ITIH4: variants seen among roughly 807,000 people sequenced by gnomAD.
The protein encoded by ITIH4 is inter-alpha-trypsin inhibitor heavy chain 4.
Under a neutral mutation model 111.8 loss-of-function variants are expected in ITIH4, and 79 were observed. That is an observed-to-expected ratio of 0.71 (90% confidence interval 0.59 to 0.85). ITIH4 has a LOEUF of 0.85. ITIH4 is among the 40% of genes least tolerant of loss of function. The pLI, the probability that ITIH4 is intolerant of heterozygous loss-of-function variation, is 0.00. For missense variants in ITIH4, 1,065 were observed against 1,195.8 expected (o/e 0.89, Z 1.61); for synonymous variants, 472 against 468.3 (o/e 1.01, Z -0.10).
chr3:52,820,229 C>T lies in ITIH4; in HGVS notation c.1861+62G>A, dbSNP rs375153780. On this transcript the variant is annotated intron_variant, in intron 14 of 23. Transcript: ENST00000266041. ...GGCCAGCAACCTCACAGGGCTGGTGCCCTGGACCCTGTGTTAGCAGACCAC... is the reference window on the plus strand; with the variant it reads ...GGCCAGCAACCTCACAGGGCTGGTGTCCTGGACCCTGTGTTAGCAGACCAC... 327 of 1,608,616 alleles carry T rather than the reference C, an allele frequency of 2.0e-4. 2 individuals carry two copies. The East Asian group carries it at 4.1e-3, about 20-fold the overall frequency.
At chr3:52,828,829 C>G (rs969882393) in intron 2 of ITIH4, among the ~76,000 whole-genome samples, 1 of 152,146 alleles carries the variant, frequency 6.6e-6, no homozygotes, top group African/African-American at 2.4e-5. Flanking sequence ...CAGGAGGCCT[C>G]AAGTCTGTGC....
In ITIH4 at chr3:52,827,200, G is replaced by C. The variant is rs1700496340; in HGVS notation, c.252-3C>G. The C allele has an allele frequency of 6.2e-7, 1 of 1,610,474 alleles. No homozygotes were observed. The highest frequency in any genetic ancestry group is 1.7e-5 in the Admixed American group (1 of 59,992). On this transcript the variant is annotated splice_polypyrimidine_tract_variant and splice_region_variant and intron_variant, in intron 2 of 23. Transcript: ENST00000266041. ...GGTAGGTCATGCCATCGATGATCCT[G>C]GGGGCAGAAGGGTGGGAGTTGTTGA...
Position 52,829,107 on chromosome 3 carries a change from G to GGGGA in ITIH4, c.251+11_251+12insTCCC. ...GGGTGTGGAGAGGGGAGGAGGGTGG[G>GGGGA]AAGGCACCTACATGGAGAAGTTGGT... is the stretch of plus-strand genomic sequence containing the variant. On this transcript the variant is annotated intron_variant, in intron 2 of 23. Coordinates refer to ENST00000266041, the MANE Select transcript of ITIH4 (RefSeq NM_002218.5). The GGGGA allele has an allele frequency of 1.2e-6, 1 of 835,118 alleles. No homozygotes were observed. The allele number at this position is 835,118 out of a possible 1,614,324, so 51.7% of individuals were successfully genotyped here. A position where few individuals can be genotyped will look rare whatever the true frequency, so the allele number is the denominator to read the frequency against.
chr3:52,821,158 G>C (rs372656836), intron 11 of ITIH4, 28 bp from the exon 12 acceptor site: 8 of 1,604,818 alleles, frequency 5.0e-6, no homozygotes, highest in Admixed American at 1.7e-5. Context: ...GCCAGGGCAG[G>C]AGCAGTGAGG....
chr3:52,819,113 G>C, intron 17 of ITIH4: 1 of 427,472 alleles, frequency 2.3e-6, no homozygotes, highest in Non-Finnish European at 4.3e-6. Context: ...AAGGACCCGG[G>C]TGAGCTCGCA....
At chr3:52,823,008 G>C (rs1260644778) in intron 11 of ITIH4, among the ~76,000 whole-genome samples, 11 of 152,170 alleles carry the variant, frequency 7.2e-5, no homozygotes, top group African/African-American at 2.7e-4. Flanking sequence ...TCCCATGAGG[G>C]CACGGAGGGG....
chr3:52,826,744 G>A (rs1700484637), intron 4 of ITIH4, 47 bp downstream of exon 4: 1 of 1,613,234 alleles, frequency 6.2e-7, no homozygotes, highest in Non-Finnish European at 8.5e-7. Context: ...CCTCAGCAGG[G>A]CAAGGGTCAT....
At position 52,823,750 on chromosome 3, in the gene ITIH4, T is replaced by G. The variant is rs202162656; in HGVS notation, c.1354-9A>C. On this transcript the variant is annotated splice_polypyrimidine_tract_variant and intron_variant, in intron 10 of 23. Transcript: ENST00000266041. ...ACTTCCTGGTAGAAGTCCTGCAGGG[T>G]TGGGGGTGTCATAAAGGCTGGGCTT... 6.2e-7 allele frequency: 1 copy of G among 1,614,032 alleles called. No individual in the cohort carries two copies. Among genetic ancestry groups the G allele is most frequent in the East Asian group, 2.2e-5 (1 of 44,874 alleles).
In ITIH4 at chr3:52,824,079, G is replaced by C; in HGVS notation, c.1172-75C>G. On this transcript the variant is annotated intron_variant, in intron 9 of 23. Transcript: ENST00000266041. The surrounding 1 kb of genome is among the most constrained non-coding windows in gnomAD (Gnocchi z 4.3). ...AGAATATTTCTGGAACCTCAGAGCC[G>C]AGGGGCCTCAGTGACCCCCTCTCCC... 6.4e-7 allele frequency: 1 copy of C among 1,558,346 alleles called. No individual in the cohort carries two copies.
chr3:52,820,040 G>A, intron 14 of ITIH4, 50 bp from the exon 15 acceptor site: 2 of 1,579,234 alleles, frequency 1.3e-6, no homozygotes, highest in Non-Finnish European at 1.7e-6. Context: ...CCTTCCTGTG[G>A]CCCCACTTGG....
At chr3:52,827,529 C>T (rs916747368) in intron 2 of ITIH4, among the ~76,000 whole-genome samples, 2 of 152,236 alleles carry the variant, frequency 1.3e-5, no homozygotes, top group African/African-American at 4.8e-5. Flanking sequence ...CGAAGCTGGC[C>T]CACATTCCCA....
At chr3:52,817,133 C>T (rs1172479293) in intron 20 of ITIH4, 75 bp from the exon 21 acceptor site, 2 of 1,256,128 alleles carry the variant, frequency 1.6e-6, no homozygotes, top group South Asian at 2.8e-5. Context: ...GGGAGTCCCC[C>T]CTGATCACAC....
intron 2 of ITIH4, 25 bp from the exon 3 acceptor site, chr3:52,827,222 T>C: frequency 6.3e-7 from 1 of 1,584,956 alleles, no homozygotes; most frequent in African/African-American, 1.3e-5. Context: ...GTGGGAGTTG[T>C]TGAGAGCCTG....
chr3:52,823,628 T>C lies in ITIH4; in HGVS notation c.1467A>G (p.Ser489=), dbSNP rs1700431181. ...GGAGCTTCCCAGCCACCACCATCTC[T>C]GAGCCCTTGAAGAGGAGCCGGAAGT... ...QNNFRLLFKG[S]EMVVAGKLQD... is the part of the protein sequence containing the mutation. The change falls in exon 11 of 24, where the codon TCA becomes TCG. Residue 489 remains serine (S), a synonymous_variant. Coordinates refer to ENST00000266041, the MANE Select transcript of ITIH4 (RefSeq NM_002218.5). 3 of 1,614,124 alleles carry C rather than the reference T, an allele frequency of 1.9e-6. No individual in the cohort carries two copies. The highest frequency in any genetic ancestry group is 2.5e-6 in the Non-Finnish European group (3 of 1,180,012).
chr3:52,827,002 G>A, intron 3 of ITIH4, 49 bp from the exon 4 acceptor site: 1 of 1,613,236 alleles, frequency 6.2e-7, no homozygotes, highest in African/African-American at 1.3e-5. Flanking sequence ...GGTGGGGTAA[G>A]GCTGGTAGAG....
chr3:52,828,549 G>C (rs1158034658), intron 2 of ITIH4, among the ~76,000 whole-genome samples: 2 of 152,224 alleles, frequency 1.3e-5, no homozygotes, highest in Non-Finnish European at 2.9e-5. Flanking sequence ...GGTGCATTTA[G>C]TAAACATTGG....
In ITIH4 at chr3:52,829,120, T is replaced by C. The variant is rs754242553; in HGVS notation, c.250A>G (p.Met84Val). The C allele has an allele frequency of 3.7e-6, 6 of 1,605,952 alleles. No individual in the cohort carries two copies. Among genetic ancestry groups the C allele is most frequent in the East Asian group, 2.2e-5 (1 of 44,548 alleles). Residue 84 changes from methionine to valine, a missense_variant and splice_region_variant, in exon 2 of 24, where the codon ATG becomes GTG. Transcript: ENST00000266041. ...GGAGGAGGGTGGGAAGGCACCTACA[T>C]GGAGAAGTTGGTGATGAAGGCTTTC... ...PKKAFITNFSMIIDGMTYPGI... is the reference protein window; with the variant it reads ...PKKAFITNFSVIIDGMTYPGI...
Position 52,819,512 on chromosome 3 carries a change from G to A in ITIH4, c.1958C>T (p.Ala653Val). ...PRRGWNRQAG[A>V]AGSRMNFRPG... Reference sequence around the variant, plus strand: ...TCTGAAATTCATCCGGGAGCCAGCAGCTCCAGCTTTGGAGAAATCGACAGA... The same window carrying A: ...TCTGAAATTCATCCGGGAGCCAGCAACTCCAGCTTTGGAGAAATCGACAGA... The change falls in exon 17 of 24, where the codon GCT (alanine) becomes GTT (valine). Residue 653 changes from alanine to valine, a missense_variant. Transcript: ENST00000266041. The A allele has an allele frequency of 1.2e-6, 2 of 1,614,126 alleles. No homozygotes were observed. The highest frequency in any genetic ancestry group is 1.7e-6 in the Non-Finnish European group (2 of 1,180,002).
At position 52,826,004 on chromosome 3, in the gene ITIH4, C is replaced by A; in HGVS notation, c.641G>T (p.Arg214Leu). The change falls in exon 6 of 24, where the codon CGG (arginine) becomes CTG (leucine). Residue 214 changes from arginine to leucine, a missense_variant. Physicochemically the swap from Arg to Leu is moderately radical, Grantham distance 102. Transcript: ENST00000266041. ...TWQNKTKAHIRFKPTLSQQQK... is the reference protein window; with the variant it reads ...TWQNKTKAHILFKPTLSQQQK... Reference sequence around the variant, plus strand: ...CTGCTGGGAAAGTGTTGGCTTGAACCGGATGTGAGCCTGGAGGAATAATCC... The same window carrying A: ...CTGCTGGGAAAGTGTTGGCTTGAACAGGATGTGAGCCTGGAGGAATAATCC... 6.2e-7 allele frequency: 1 copy of A among 1,614,062 alleles called. No individual in the cohort carries two copies. Among genetic ancestry groups the A allele is most frequent in the South Asian group, 1.1e-5 (1 of 91,060 alleles).
Sources: gnomAD v4.1 joint callset for allele counts (sites outside exome capture counted in the v4.1 genomes callset) on GRCh38, gnomAD v4.1.1 for gene constraint, Gnocchi (gnomAD v3.1) non-coding constraint, MANE v1.5 for transcripts, NCBI Gene and HGNC (gene_info 2026-07-23, HGNC 2026-07-21) for gene names.